Variants in ATP1B3 observed in about 807,000 individuals in gnomAD.
ATP1B3 encodes ATPase Na+/K+ transporting subunit beta 3, also known as sodium/potassium-transporting ATPase subunit beta-3.
A neutral mutation model predicts 30.2 loss-of-function variants in ATP1B3; 10 were observed. The observed-to-expected ratio is 0.33, with a 90% CI of 0.20 to 0.56. The LOEUF (loss-of-function observed/expected upper bound fraction) is 0.56, where lower values mean the gene tolerates loss of function less well. Ranked by LOEUF, ATP1B3 falls within the 20% of genes least tolerant of loss-of-function variation. ATP1B3 has a pLI of 0.90. For synonymous variants in ATP1B3, 113 were observed against 117.0 expected (o/e 0.97, Z 0.22); for missense variants, 238 against 336.7 (o/e 0.71, Z 2.29).
At position 141,876,900 on chromosome 3, in the gene ATP1B3, C is replaced by G; in HGVS notation, c.99C>G (p.Ala33=). 1 of 1,579,622 alleles carries G rather than the reference C, an allele frequency of 6.3e-7. No homozygotes were observed. Among genetic ancestry groups the G allele is most frequent in the East Asian group, 2.5e-5 (1 of 40,432 alleles). The part of the protein sequence containing the change: ...PTTGEFLGRT[A]KSWGLILLFY... ...CCGGAGAATTCCTGGGGCGCACCGCCAAGAGCTGGGGTGAGCGGGCAGCAG... is the reference window on the plus strand; with the variant it reads ...CCGGAGAATTCCTGGGGCGCACCGCGAAGAGCTGGGGTGAGCGGGCAGCAG... Residue 33 remains alanine, a synonymous_variant, in exon 1 of 7, where the codon GCC becomes GCG. Coordinates refer to ENST00000286371, the MANE Select transcript of ATP1B3 (RefSeq NM_001679.4).
At chr3:141,894,268 AATTT>A (rs1266503751) in intron 1 of ATP1B3, among the ~76,000 whole-genome samples, 2 of 152,048 alleles carry the variant, frequency 1.3e-5, no homozygotes, top group African/African-American at 4.8e-5. Flanking sequence ...GGCTACACTA[AATTT>A]ATTAAAATTT....
intron 1 of ATP1B3, among the ~76,000 whole-genome samples, chr3:141,900,847 G>C (rs1296423806): frequency 6.6e-6 from 1 of 152,076 alleles, no homozygotes; most frequent in Non-Finnish European, 1.5e-5. Context: ...CAGTGGCACA[G>C]TCTCGGCTCA....
intron 1 of ATP1B3, among the ~76,000 whole-genome samples, chr3:141,881,699 A>G (rs1221458221): frequency 6.6e-6 from 1 of 152,234 alleles, no homozygotes; most frequent in Non-Finnish European, 1.5e-5. Context: ...GAGCAGTAGG[A>G]TATAACTCCC....
chr3:141,895,121 T>A (rs991523840), intron 1 of ATP1B3, among the ~76,000 whole-genome samples: 3 of 151,892 alleles, frequency 2.0e-5, no homozygotes. Flanking sequence ...TATGTTTTTT[T>A]TGGGGGGAGG....
intron 1 of ATP1B3, among the ~76,000 whole-genome samples, chr3:141,898,996 C>T (rs1425925245): frequency 1.3e-5 from 2 of 152,136 alleles, no homozygotes; most frequent in Non-Finnish European, 2.9e-5. Flanking sequence ...CCATGTATTA[C>T]ATGATTCCAT....
chr3:141,885,911 ACACACACACACACC>A (rs1296089486), intron 1 of ATP1B3, among the ~76,000 whole-genome samples: 1 of 150,940 alleles, frequency 6.6e-6, no homozygotes, highest in Non-Finnish European at 1.5e-5. Flanking sequence ...ACACACACAC[ACACACACACACACC>A]CCTGTAGTGT....
chr3:141,922,429 C>T (rs1394641846), intron 6 of ATP1B3, among the ~76,000 whole-genome samples: 1 of 150,522 alleles, frequency 6.6e-6, no homozygotes. Flanking sequence ...AAGGCGGGCG[C>T]ATTACCTGAG....
At position 141,879,158 on chromosome 3, in the gene ATP1B3, T is replaced by C. The variant is rs540992389; in HGVS notation, c.109+2248T>C. Among the ~76,000 whole-genome samples the C allele has an allele frequency of 4.4e-4, 67 of 152,352 alleles. No individual in the cohort carries two copies. In the Middle Eastern group the frequency reaches 0.01, roughly 23 times the overall value. ...TTACTGAATTGTGTATAACATTTTT[T>C]TTAAAACAAAAGGATCATAAAGTGT... is the stretch of plus-strand genomic sequence containing the variant. On this transcript the variant is annotated intron_variant, in intron 1 of 6. Coordinates refer to ENST00000286371, the MANE Select transcript of ATP1B3 (RefSeq NM_001679.4).
rs1206538389 is a variant in ATP1B3 at position 141,926,366 on chromosome 3, T to TTTTAGG, written c.*668_*673dup. On this transcript the variant is annotated 3_prime_UTR_variant, in exon 7 of 7. Transcript: ENST00000286371. ...TTTTAGGCTGTAGATAAAATAGCATTTTTAGGTTAGCCAGTGTGACTATGC... is the reference window on the plus strand; with the variant it reads ...TTTTAGGCTGTAGATAAAATAGCATTTTTAGGTTTAGGTTAGCCAGTGTGACTATGC... 1 of 152,220 alleles carries TTTTAGG rather than the reference T, an allele frequency of 6.6e-6. No homozygotes were observed. Among genetic ancestry groups the TTTTAGG allele is most frequent in the Non-Finnish European group, 1.5e-5 (1 of 68,046 alleles). The allele number at this position is 152,220 out of a possible 1,614,324, so 9.4% of individuals were successfully genotyped here.
chr3:141,886,377 C>T (rs1933834619), intron 1 of ATP1B3, among the ~76,000 whole-genome samples: 1 of 151,756 alleles, frequency 6.6e-6, no homozygotes, highest in South Asian at 2.1e-4. Flanking sequence ...CTGCCATAAG[C>T]CTTCTCTGAT....
intron 1 of ATP1B3, among the ~76,000 whole-genome samples, chr3:141,890,498 T>C (rs994150879): frequency 4.6e-5 from 7 of 151,962 alleles, no homozygotes; most frequent in African/African-American, 1.7e-4. Context: ...AGATGGGGTT[T>C]CACCATGTTG....
chr3:141,921,079 A>G (rs1396445578), intron 5 of ATP1B3, among the ~76,000 whole-genome samples: 1 of 152,068 alleles, frequency 6.6e-6, no homozygotes, highest in Non-Finnish European at 1.5e-5. Context: ...ATTTTTTTAT[A>G]TATATATAAA....
chr3:141,896,511 C>T (rs1934069127), intron 1 of ATP1B3, among the ~76,000 whole-genome samples: 1 of 152,016 alleles, frequency 6.6e-6, no homozygotes, highest in Non-Finnish European at 1.5e-5. Context: ...GGCAGCAGAA[C>T]GAGACCCTGT....
rs746519364 is a variant in ATP1B3, at chr3:141,916,053, T to G, written c.582+33T>G. ...TTCAAAAAGTAACTCCTGTTAAATC[T>G]TTGATGTTTCTTAAAATACTTTAAA... On this transcript the variant is annotated intron_variant, in intron 5 of 6. Transcript: ENST00000286371. The G allele has an allele frequency of 3.9e-6, 6 of 1,554,800 alleles. No homozygotes were observed. The Admixed American group carries it at 7.2e-5, about 19-fold the overall frequency.
chr3:141,909,265 T>C (rs1484432381), intron 3 of ATP1B3, among the ~76,000 whole-genome samples: 1 of 152,200 alleles, frequency 6.6e-6, no homozygotes, highest in African/African-American at 2.4e-5. Flanking sequence ...CCTGCCCTCC[T>C]CCCTTCCAGC....
intron 4 of ATP1B3, among the ~76,000 whole-genome samples, chr3:141,915,642 T>C (rs1934448060): frequency 6.6e-6 from 1 of 152,210 alleles, no homozygotes; most frequent in Non-Finnish European, 1.5e-5. Context: ...AAATTATTTG[T>C]TCATATAAAT....
At chr3:141,879,070 G>C (rs957595560) in intron 1 of ATP1B3, among the ~76,000 whole-genome samples, 1 of 152,154 alleles carries the variant, frequency 6.6e-6, no homozygotes, top group Admixed American at 6.5e-5. Context: ...TGAAGGGACT[G>C]TATGGGCTTG....
intron 2 of ATP1B3, 76 bp downstream of exon 2, chr3:141,903,824 C>T (rs1359866105): frequency 3.9e-6 from 6 of 1,528,770 alleles, no homozygotes; most frequent in African/African-American, 1.4e-5. Context: ...TCTTGTTGCC[C>T]AGGCTGGAAT....
chr3:141,922,205 G>A, intron 6 of ATP1B3, 142 bp downstream of exon 6: 1 of 552,334 alleles, frequency 1.8e-6, no homozygotes. Context: ...TTATTTTAAT[G>A]GTGATGGTAA....
Sources: gnomAD v4.1 joint callset for allele counts (sites outside exome capture counted in the v4.1 genomes callset) on GRCh38, gnomAD v4.1.1 for gene constraint, MANE v1.5 for transcripts, NCBI Gene and HGNC (gene_info 2026-07-23, HGNC 2026-07-21) for gene names.